DHX38: variants seen among roughly 807,000 people sequenced by gnomAD.
DHX38 encodes the protein DEAH-box helicase 38.
In DHX38, 100 loss-of-function variants were observed where a neutral mutation model predicts 153.1. That is an observed-to-expected ratio of 0.65 (90% CI 0.56 to 0.77). The LOEUF (loss-of-function observed/expected upper bound fraction) is 0.77, where lower values mean the gene tolerates loss of function less well. DHX38 is among the 30% of genes least tolerant of loss of function. The pLI, the probability that DHX38 is intolerant of heterozygous loss-of-function variation, is 0.00. For missense variants in DHX38, 1,440 were observed against 1,654.0 expected (o/e 0.87, Z 2.24); for synonymous variants, 650 against 631.7 (o/e 1.03, Z -0.43).
In DHX38 at chr16:72,105,772, T is replaced by C. The variant is rs143051890; in HGVS notation, c.2487+148T>C. On this transcript the variant is annotated intron_variant, in intron 18 of 26. Transcript: ENST00000268482. ...TGGTGGGAGGCTCACATTGACTCAC[T>C]GTGCTTGGTTTGTTTAACCCTTGTA... 7.2e-4 allele frequency: 577 copies of C among 806,752 alleles called. 2 individuals are homozygous for C. Among genetic ancestry groups the C allele is most frequent in the Middle Eastern group, 5.7e-3 (23 of 4,050 alleles). The allele number at this position is 806,752 out of a possible 1,614,324, so 50.0% of individuals were successfully genotyped here.
In DHX38 at chr16:72,103,112, G is replaced by C. The variant is rs1448086110; in HGVS notation, c.1538G>C (p.Ser513Thr). 4 of 1,614,248 alleles carry C rather than the reference G, an allele frequency of 2.5e-6. 1 individual carries two copies. The South Asian group carries it at 4.4e-5, about 18-fold the overall frequency. The change falls in exon 12 of 27, where the codon AGC becomes ACC. Residue 513 changes from serine (S) to threonine (T), a missense_variant. Physicochemically the swap from Ser to Thr is moderately conservative, Grantham distance 58. Coordinates refer to ENST00000268482, the MANE Select transcript of DHX38 (RefSeq NM_014003.4). ...QKFADHMKRKSEASSEFAKKK... is the reference protein window; with the variant it reads ...QKFADHMKRKTEASSEFAKKK... The stretch of plus-strand genomic sequence containing the variant: ...TTTGCAGATCACATGAAGAGAAAGA[G>C]CGAAGCCAGCAGTGAATTTGCAAAG...
chr16:72,105,958 T>A (rs202028347), intron 18 of DHX38, 47 bp from the exon 19 acceptor site: 15 of 1,575,246 alleles, frequency 9.5e-6, no homozygotes, highest in Non-Finnish European at 1.3e-5. Context: ...CTACTTCCAC[T>A]TTCCCCTCAC....
intron 11 of DHX38, 78 bp downstream of exon 11, chr16:72,101,690 TCGACTTTGTGG>T: frequency 8.2e-7 from 1 of 1,218,052 alleles, no homozygotes; most frequent in South Asian, 1.3e-5. Context: ...GCAGAACCCA[TCGACTTTGTGG>T]CTCCTGAGTG....
At chr16:72,111,500 A>G (rs1192408529) in intron 26 of DHX38, among the ~76,000 whole-genome samples, 1 of 152,198 alleles carries the variant, frequency 6.6e-6, no homozygotes, top group Non-Finnish European at 1.5e-5. Flanking sequence ...TGTAGACACC[A>G]TCCTTACTGG....
rs1174376688 is a variant in DHX38, at chr16:72,107,891, G to A, written c.2964+92G>A. On this transcript the variant is annotated intron_variant, in intron 21 of 26. Transcript: ENST00000268482. This position sits in a 1 kb window ranked among gnomAD's most constrained non-coding sequence, Gnocchi z 5.3. ...CTCTCTGTATTACTGAAATGGAACA[G>A]AGGGCAGAATCAGAGTTTCTGAAGA... is the stretch of plus-strand genomic sequence containing the variant. The A allele has an allele frequency of 2.7e-6, 4 of 1,496,150 alleles. No homozygotes were observed. The East Asian group carries it at 9.2e-5, about 34-fold the overall frequency. 92.7% of individuals were successfully genotyped at this position (1,496,150 alleles called of 1,614,324 possible). A position where few individuals can be genotyped will look rare whatever the true frequency, so the allele number is the denominator to read the frequency against.
intron 11 of DHX38, 29 bp from the exon 12 acceptor site, chr16:72,103,045 A>C (rs1333390511): frequency 6.2e-7 from 1 of 1,611,964 alleles, no homozygotes; most frequent in South Asian, 1.1e-5. Flanking sequence ...GGCACCATGC[A>C]GGGTGTTTAG....
Position 72,107,529 on chromosome 16 carries a change from C to T in DHX38, c.2790C>T (p.Leu930=), listed in dbSNP as rs377297604. The stretch of plus-strand genomic sequence containing the variant: ...ACTCTATGTATCAGCTCTGGATCCT[C>T]GGGGCCCTGGACAACACAGGTGAGG... ...MLNSMYQLWI[L]GALDNTGGLT... Residue 930 remains leucine (L), a synonymous_variant, in exon 20 of 27, where the codon CTC becomes CTT. Transcript: ENST00000268482. This position sits in a 1 kb window ranked among gnomAD's most constrained non-coding sequence, Gnocchi z 5.3. The T allele has an allele frequency of 1.2e-5, 20 of 1,613,766 alleles. No homozygotes were observed. Among genetic ancestry groups the T allele is most frequent in the Non-Finnish European group, 1.4e-5 (16 of 1,179,844 alleles).
In DHX38 at chr16:72,107,572, T is replaced by TG; in HGVS notation, c.2809+27dup. ...AGGTGAGGCGGCCCCGGGAGCCTCA[T>TG]GGGTGCTGGCGCTTGACTTCCTTCT... On this transcript the variant is annotated intron_variant, in intron 20 of 26. Coordinates refer to ENST00000268482, the MANE Select transcript of DHX38 (RefSeq NM_014003.4). The surrounding 1 kb of genome is among the most constrained non-coding windows in gnomAD (Gnocchi z 5.3). 6.2e-7 allele frequency: 1 copy of TG among 1,610,362 alleles called. No individual in the cohort carries two copies. The highest frequency in any genetic ancestry group is 8.5e-7 in the Non-Finnish European group (1 of 1,176,938).
rs1369282219 is a variant in DHX38, at chr16:72,107,847, T to C, written c.2964+48T>C. Reference sequence around the variant, plus strand: ...TCTCCCCGGAGGGCTCGAGGAAGTGTTGGGGAGGGGAATGGCTTCTCTCTG... The same window carrying C: ...TCTCCCCGGAGGGCTCGAGGAAGTGCTGGGGAGGGGAATGGCTTCTCTCTG... On this transcript the variant is annotated intron_variant, in intron 21 of 26. Transcript: ENST00000268482. The surrounding 1 kb of genome is among the most constrained non-coding windows in gnomAD (Gnocchi z 5.3). 4 of 1,595,618 alleles carry C rather than the reference T, an allele frequency of 2.5e-6. No individual in the cohort carries two copies. Among genetic ancestry groups the C allele is most frequent in the Non-Finnish European group, 3.4e-6 (4 of 1,171,914 alleles).
intron 19 of DHX38, 109 bp downstream of exon 19, chr16:72,106,226 GGAA>G: frequency 1.0e-6 from 1 of 977,834 alleles, no homozygotes; most frequent in East Asian, 2.5e-5. Context: ...CCCCAAGGCT[GGAA>G]GCTGCTGGCA....
chr16:72,101,132 T>C lies in DHX38; in HGVS notation c.1325T>C (p.Ile442Thr). ...PVKDATSDLA[I>T]IARKGSQTVR... ...AAGGATGCTACTTCTGACCTGGCCA[T>C]CATTGCTCGGAAAGGCAGCCAGACA... is the stretch of plus-strand genomic sequence containing the variant. Residue 442 changes from isoleucine (I) to threonine (T), a missense_variant, in exon 10 of 27, where the codon ATC becomes ACC. Ile to Thr is a moderately conservative substitution (Grantham distance 89). Transcript: ENST00000268482. The C allele has an allele frequency of 1.9e-6, 3 of 1,614,210 alleles. No individual in the cohort carries two copies. The highest frequency in any genetic ancestry group is 1.7e-6 in the Non-Finnish European group (2 of 1,180,040).
chr16:72,112,132 T>G, intron 26 of DHX38: 2 of 474,434 alleles, frequency 4.2e-6, no homozygotes, highest in Non-Finnish European at 7.7e-6. Flanking sequence ...GTGGCGCACG[T>G]GAGGTGGAGG....
At position 72,108,904 on chromosome 16, in the gene DHX38, C is replaced by T. The variant is rs370276065; in HGVS notation, c.3360C>T (p.His1120=). The change falls in exon 24 of 27, where the codon CAC becomes CAT. Residue 1120 remains histidine (H), a synonymous_variant. Coordinates refer to ENST00000268482, the MANE Select transcript of DHX38 (RefSeq NM_014003.4). The stretch of plus-strand genomic sequence containing the variant: ...ACACCCCAGATTACATAGTGTATCA[C>T]GAGTTGGTCATGACCACCAAGGTGA... ...MGYTPDYIVY[H]ELVMTTKEYM... The T allele has an allele frequency of 5.6e-5, 91 of 1,610,680 alleles. No homozygotes were observed. The highest frequency in any genetic ancestry group is 1.2e-4 in the African/African-American group (9 of 74,822).
intron 10 of DHX38, 105 bp from the exon 11 acceptor site, chr16:72,101,395 G>A (rs1361010057): frequency 2.4e-6 from 3 of 1,249,750 alleles, no homozygotes; most frequent in South Asian, 1.4e-5. Flanking sequence ...GCACTCTGGG[G>A]GAGTTTACCA....
Position 72,108,825 on chromosome 16 carries a change from G to T in DHX38, c.3281G>T (p.Arg1094Leu). ...LKGIGEYVNIRTGMPCHLHPT... is the reference protein window; with the variant it reads ...LKGIGEYVNILTGMPCHLHPT... ...GGAATCGGGGAGTACGTGAACATCC[G>T]CACAGGGATGCCCTGCCACTTGCAC... Residue 1094 changes from arginine to leucine, a missense_variant, in exon 24 of 27, where the codon CGC becomes CTC. Physicochemically the swap from Arg to Leu is moderately radical, Grantham distance 102. Coordinates refer to ENST00000268482, the MANE Select transcript of DHX38 (RefSeq NM_014003.4). The T allele has an allele frequency of 6.2e-7, 1 of 1,613,882 alleles. No individual in the cohort carries two copies.
At position 72,111,086 on chromosome 16, in the gene DHX38, C is replaced by T. The variant is rs750608963; in HGVS notation, c.3599+9C>T. 3.4e-5 allele frequency: 52 copies of T among 1,551,254 alleles called. No individual in the cohort carries two copies. The highest frequency in any genetic ancestry group is 4.4e-4 in the Middle Eastern group (2 of 4,530). ...CCCCTGGGCAGTGTCAGGTGAGCTC[C>T]GGCCTTCGGGCTCTGGCTGGGGTGG... On this transcript the variant is annotated intron_variant, in intron 26 of 26. Transcript: ENST00000268482.
At chr16:72,099,139 G>A (rs1381000222) in intron 6 of DHX38, 65 bp from the exon 7 acceptor site, 1 of 1,594,612 alleles carries the variant, frequency 6.3e-7, no homozygotes, top group Admixed American at 1.7e-5. Flanking sequence ...TGGCCCTGCA[G>A]ATCTGTCTGG....
At chr16:72,097,592 G>A (rs1004580275) in intron 3 of DHX38, 85 bp from the exon 4 acceptor site, 16 of 1,318,682 alleles carry the variant, frequency 1.2e-5, no homozygotes, top group Non-Finnish European at 1.7e-5. Flanking sequence ...GTGAGTGAGT[G>A]GGCAGCCTGT....
intron 11 of DHX38, among the ~76,000 whole-genome samples, chr16:72,102,845 C>A (rs918340002): frequency 2.6e-5 from 4 of 152,222 alleles, no homozygotes. Flanking sequence ...CCATGTTCAG[C>A]TAGCTCTGTT....
Sources: gnomAD v4.1 joint callset for allele counts (sites outside exome capture counted in the v4.1 genomes callset) on GRCh38, gnomAD v4.1.1 for gene constraint, Gnocchi (gnomAD v3.1) non-coding constraint, MANE v1.5 for transcripts, NCBI Gene and HGNC (gene_info 2026-07-23, HGNC 2026-07-21) for gene names.